The following STRN4 variants were observed in gnomAD, a reference collection of about 807,000 sequenced individuals.
STRN4 encodes striatin 4.
In STRN4, 27 loss-of-function variants were observed where a neutral mutation model predicts 77.9. That is an observed-to-expected ratio of 0.35 (90% CI 0.26 to 0.48). The LOEUF (loss-of-function observed/expected upper bound fraction) is 0.48. Among genes scored for constraint, STRN4 ranks in the 20% least tolerant of loss-of-function variants. STRN4 has a pLI of 0.99. For missense variants in STRN4, 798 were observed against 1,049.7 expected, an observed-to-expected ratio of 0.76 and a Z score of 3.31; for synonymous variants, 466 against 443.1, an observed-to-expected ratio of 1.05 and a Z score of -0.65.
rs1235415557 is a variant in STRN4, at chr19:46,746,226, G to C, written c.205C>G (p.Leu69Val). 1 of 1,532,422 alleles carries C rather than the reference G, an allele frequency of 6.5e-7. No homozygotes were observed. Among genetic ancestry groups the C allele is most frequent in the Admixed American group, 1.9e-5 (1 of 52,466 alleles). The allele number at this position is 1,532,422 out of a possible 1,614,324, so 94.9% of individuals were successfully genotyped here. A position where few individuals can be genotyped will look rare whatever the true frequency, so the allele number is the denominator to read the frequency against. Reference protein sequence around the residue: ...GPEPLSLPGILHFIQHEWARF... With the variant: ...GPEPLSLPGIVHFIQHEWARF... ...GCCCACTCGTGCTGGATAAAGTGCAGGATCCCCGGCAGGCTCAGGGGCTCC... is the reference window on the plus strand; with the variant it reads ...GCCCACTCGTGCTGGATAAAGTGCACGATCCCCGGCAGGCTCAGGGGCTCC... The change falls in exon 1 of 18, where the codon CTG (leucine) becomes GTG (valine). Residue 69 changes from leucine (L) to valine (V), a missense_variant. Leu to Val is a conservative substitution (Grantham distance 32, BLOSUM62 1). This residue lies in a region of STRN4 where 511 missense variants were observed against 575.9 expected (regional missense o/e 0.89). Transcript: ENST00000263280.
At chr19:46,721,891 C>A in intron 16 of STRN4, 95 bp downstream of exon 16, 1 of 1,427,118 alleles carries the variant, frequency 7.0e-7, no homozygotes, top group Non-Finnish European at 9.7e-7. Context: ...CCAGCCCTGG[C>A]CCCCGGGGCC....
chr19:46,746,211 G>T lies in STRN4; in HGVS notation c.220C>A (p.His74Asn), dbSNP rs1257640369. The T allele has an allele frequency of 1.3e-6, 2 of 1,538,982 alleles. No homozygotes were observed. The highest frequency in any genetic ancestry group is 3.7e-5 in the Admixed American group (2 of 53,456). The stretch of plus-strand genomic sequence containing the variant: ...TCGGCTTCGAAGCGCGCCCACTCGT[G>T]CTGGATAAAGTGCAGGATCCCCGGC... ...SLPGILHFIQ[H>N]EWARFEAEKA... Residue 74 changes from histidine to asparagine, a missense_variant, in exon 1 of 18, where the codon CAC becomes AAC. His to Asn is a moderately conservative substitution (Grantham distance 68, BLOSUM62 1). Around this residue, in one of 2 missense-constraint regions of STRN4, gnomAD observed 511 missense variants for 575.9 expected, o/e 0.89. Transcript: ENST00000263280.
chr19:46,727,727 G>C lies in STRN4; in HGVS notation c.1153+167C>G, dbSNP rs752125562. The C allele has an allele frequency of 3.8e-5, 29 of 758,466 alleles. No individual in the cohort carries two copies. The East Asian group carries it at 7.8e-4, about 20-fold the overall frequency. 47.0% of individuals were successfully genotyped at this position (758,466 alleles called of 1,614,324 possible). A position where few individuals can be genotyped will look rare whatever the true frequency, so the allele number is the denominator to read the frequency against. On this transcript the variant is annotated intron_variant, in intron 8 of 17. Transcript: ENST00000263280. ...ACAGAGAGACAGACAGGGCAGGACA[G>C]ACAAAAAGAGAGGGAGACAGACAGA...
At chr19:46,743,884 CAG>C (rs78887375) in intron 1 of STRN4, among the ~76,000 whole-genome samples, 25,736 of 151,640 alleles carry the variant, frequency 0.17, 2,688 homozygotes, top group Non-Finnish European at 0.24. Context: ...CCCTGGGTGA[CAG>C]AGTGAGACTC....
chr19:46,743,025 G>T (rs2054501247), intron 1 of STRN4, among the ~76,000 whole-genome samples: 1 of 152,194 alleles, frequency 6.6e-6, no homozygotes, highest in Non-Finnish European at 1.5e-5. Context: ...CAGCTATGGT[G>T]CAAACATCCC....
intron 12 of STRN4, among the ~76,000 whole-genome samples, chr19:46,724,052 A>G: frequency 6.6e-6 from 1 of 152,090 alleles, no homozygotes; most frequent in East Asian, 1.9e-4. Flanking sequence ...GTTCAAGACC[A>G]GCCTGGTCAA....
intron 7 of STRN4, chr19:46,728,377 G>C: frequency 1.6e-6 from 1 of 609,668 alleles, no homozygotes. Flanking sequence ...CTGGAGGGCT[G>C]GCGGCCCCAC....
chr19:46,723,159 T>C lies in STRN4; in HGVS notation c.1720A>G (p.Ser574Gly). Residue 574 changes from serine to glycine, a missense_variant, in exon 13 of 18, where the codon AGC becomes GGC. By Grantham distance (56) the Ser-to-Gly change is moderately conservative. Around this residue, in one of 2 missense-constraint regions of STRN4, gnomAD observed 287 missense variants for 473.8 expected, o/e 0.61. Coordinates refer to ENST00000263280, the MANE Select transcript of STRN4 (RefSeq NM_013403.3). This position sits in a 1 kb window ranked among gnomAD's most constrained non-coding sequence, Gnocchi z 5.5. ...ADGTVRIWDP[S>G]SSSPACLCTF... The stretch of plus-strand genomic sequence containing the variant: ...CAGAGGCAGGCCGGGCTGCTGCTGC[T>C]GGGGTCCCAGATGCGGACGGTGCCA... 1 of 1,566,844 alleles carries C rather than the reference T, an allele frequency of 6.4e-7. No homozygotes were observed. Among genetic ancestry groups the C allele is most frequent in the East Asian group, 2.4e-5 (1 of 41,804 alleles).
chr19:46,722,731 G>C, intron 14 of STRN4, 79 bp downstream of exon 14: 1 of 1,578,742 alleles, frequency 6.3e-7, no homozygotes, highest in Non-Finnish European at 8.6e-7. Flanking sequence ...GACTGACAAG[G>C]GGTCGCCAAA....
At position 46,741,160 on chromosome 19, in the gene STRN4, G is replaced by A. The variant is rs969898598; in HGVS notation, c.283-2272C>T. 4.6e-5 allele frequency among the ~76,000 whole-genome samples: 7 copies of A among 152,148 alleles called. No individual in the cohort carries two copies. The highest frequency in any genetic ancestry group is 1.4e-4 in the African/African-American group (6 of 41,430). On this transcript the variant is annotated intron_variant, in intron 1 of 17. Coordinates refer to ENST00000263280, the MANE Select transcript of STRN4 (RefSeq NM_013403.3). This position sits in a 1 kb window ranked among gnomAD's most constrained non-coding sequence, Gnocchi z 4.9. ...GAGGGAGCAGGAGAGCGGCAGAGCT[G>A]GACACAGAGACCCCCATCACAGATG... is the stretch of plus-strand genomic sequence containing the variant.
chr19:46,721,951 C>A, intron 16 of STRN4, 35 bp downstream of exon 16: 1 of 1,611,308 alleles, frequency 6.2e-7, no homozygotes, highest in South Asian at 1.1e-5. Context: ...CTCCCCTTCT[C>A]CCCAACCCTG....
intron 1 of STRN4, chr19:46,740,249 A>T (rs1402978115): frequency 6.6e-6 from 1 of 152,176 alleles, no homozygotes; most frequent in Non-Finnish European, 1.5e-5. Flanking sequence ...AGATCGTGCC[A>T]CTGCACTCCA....
rs895447178 is a variant in STRN4, at chr19:46,728,445, G to A, written c.1039+173C>T. On this transcript the variant is annotated intron_variant, in intron 7 of 17. Transcript: ENST00000263280. ...TGGGGATTTTCCAGGGAAGGGGTGA[G>A]GGGCCGGCGGCCATGACCTGGGCCT... is the stretch of plus-strand genomic sequence containing the variant. 3 of 868,840 alleles carry A rather than the reference G, an allele frequency of 3.5e-6. No homozygotes were observed. In the African/African-American group the frequency reaches 5.1e-5, roughly 15 times the overall value. 53.8% of individuals were successfully genotyped at this position (868,840 alleles called of 1,614,324 possible). A position where few individuals can be genotyped will look rare whatever the true frequency, so the allele number is the denominator to read the frequency against.
intron 6 of STRN4, among the ~76,000 whole-genome samples, chr19:46,729,819 TCAGA>T (rs1344189002): frequency 6.6e-6 from 1 of 152,062 alleles, no homozygotes; most frequent in Non-Finnish European, 1.5e-5. Flanking sequence ...CCTCAACAAC[TCAGA>T]CGGAGGGACT....
In STRN4 at chr19:46,725,578, C is replaced by A; in HGVS notation, c.1319G>T (p.Gly440Val). 6.2e-7 allele frequency: 1 copy of A among 1,614,204 alleles called. No individual in the cohort carries two copies. The highest frequency in any genetic ancestry group is 8.5e-7 in the Non-Finnish European group (1 of 1,180,026). Residue 440 changes from glycine (G) to valine (V), a missense_variant, in exon 10 of 18, where the codon GGC becomes GTC. Gly to Val is a moderately radical substitution (Grantham distance 109). Around this residue, in one of 2 missense-constraint regions of STRN4, gnomAD observed 287 missense variants for 473.8 expected, o/e 0.61. Coordinates refer to ENST00000263280, the MANE Select transcript of STRN4 (RefSeq NM_013403.3). ...GTGGTGGAAGGCCAGGGAACGAATG[C>A]CGTCGTAGTGCGAGCGCAGGGTGAA... ...PKFTLRSHYD[G>V]IRSLAFHHSQ...
Position 46,733,181 on chromosome 19 carries a change from C to T in STRN4, c.595G>A (p.Val199Ile), listed in dbSNP as rs369741559. 20 of 1,611,312 alleles carry T rather than the reference C, an allele frequency of 1.2e-5. No homozygotes were observed. The East Asian group carries it at 2.2e-4, about 18-fold the overall frequency. ...AGCGAGCGGCCCAGCAGGGAACGGACGCGCTTGGACCGCATGTCGAGGATG... is the reference window on the plus strand; with the variant it reads ...AGCGAGCGGCCCAGCAGGGAACGGATGCGCTTGGACCGCATGTCGAGGATG... ...DTILDMRSKR[V>I]RSLLGRSLEL... The change falls in exon 5 of 18, where the codon GTC becomes ATC. Residue 199 changes from valine to isoleucine, a missense_variant. Val to Ile is a conservative substitution (Grantham distance 29, BLOSUM62 3). Transcript: ENST00000263280. The surrounding 1 kb of genome is among the most constrained non-coding windows in gnomAD (Gnocchi z 4.3).
At chr19:46,731,020 G>A in intron 5 of STRN4, 147 bp from the exon 6 acceptor site, 1 of 1,112,362 alleles carries the variant, frequency 9.0e-7, no homozygotes, top group Non-Finnish European at 1.3e-6. Context: ...GTCACACACA[G>A]AGCCCCAACC....
At position 46,723,320 on chromosome 19, in the gene STRN4, G is replaced by C; in HGVS notation, c.1595-36C>G. On this transcript the variant is annotated intron_variant, in intron 12 of 17. Coordinates refer to ENST00000263280, the MANE Select transcript of STRN4 (RefSeq NM_013403.3). The surrounding 1 kb of genome is among the most constrained non-coding windows in gnomAD (Gnocchi z 5.5). Reference sequence around the variant, plus strand: ...CGCAGGGAGGAAATGGGCTGTGTCAGGGCTGCCAGCTCCTCCCTGGACAGC... The same window carrying C: ...CGCAGGGAGGAAATGGGCTGTGTCACGGCTGCCAGCTCCTCCCTGGACAGC... 6.6e-7 allele frequency: 1 copy of C among 1,516,054 alleles called. No individual in the cohort carries two copies. Among genetic ancestry groups the C allele is most frequent in the South Asian group, 1.2e-5 (1 of 82,526 alleles). The allele number at this position is 1,516,054 out of a possible 1,614,324, so 93.9% of individuals were successfully genotyped here. A position where few individuals can be genotyped will look rare whatever the true frequency, so the allele number is the denominator to read the frequency against.
chr19:46,724,099 AT>A (rs1444767203), intron 12 of STRN4, among the ~76,000 whole-genome samples: 1 of 152,064 alleles, frequency 6.6e-6, no homozygotes, highest in African/African-American at 2.4e-5. Flanking sequence ...AATACAAAAA[AT>A]AGCTGGATAT....
Sources: gnomAD v4.1 joint callset for allele counts (sites outside exome capture counted in the v4.1 genomes callset) on GRCh38, gnomAD v4.1.1 for gene constraint, gnomAD v4.1.1 regional missense constraint, Gnocchi (gnomAD v3.1) non-coding constraint, MANE v1.5 for transcripts, NCBI Gene and HGNC (gene_info 2026-07-23, HGNC 2026-07-21) for gene names.